The following PI4K2A variants were observed in gnomAD, a reference collection of about 807,000 sequenced individuals.
PI4K2A encodes phosphatidylinositol 4-kinase type 2-alpha.
Under a neutral mutation model 55.0 loss-of-function variants are expected in PI4K2A, and 20 were observed. The ratio of observed to expected loss-of-function variants is 0.36; its 90% CI spans 0.26 to 0.53. PI4K2A has a LOEUF of 0.53. PI4K2A is among the 20% of genes least tolerant of loss of function. The pLI is 0.91. For missense variants in PI4K2A, 463 were observed against 637.1 expected, an observed-to-expected ratio of 0.73 and a Z score of 2.94; for synonymous variants, 235 against 258.5, an observed-to-expected ratio of 0.91 and a Z score of 0.87.
chr10:97,673,648 T>C (rs1444927586), exon 9 of PI4K2A: 1 of 1,613,806 alleles, frequency 6.2e-7, no homozygotes, highest in Non-Finnish European at 8.5e-7. Flanking sequence ...ATGCCACCTG[T>C]GATTGTCGAG....
In PI4K2A at chr10:97,667,049, C is replaced by T. The variant is rs566581799; in HGVS notation, c.1219-12C>T. The T allele has an allele frequency of 3.7e-6, 6 of 1,611,208 alleles. No homozygotes were observed. In the Admixed American group the frequency reaches 1.0e-4, roughly 27 times the overall value. ...CACACAGGTTCCATCTCCTTCTGGT[C>T]TTCTTTTGCAGAAAGATCCTGGTTT... On this transcript the variant is annotated splice_polypyrimidine_tract_variant and intron_variant, in intron 7 of 8. Transcript: ENST00000370631.
intron 5 of PI4K2A, 24 bp from the exon 6 acceptor site, chr10:97,664,861 C>A: frequency 5.8e-6 from 9 of 1,545,200 alleles, no homozygotes; most frequent in South Asian, 2.2e-5. Context: ...TTTCCTCAGT[C>A]ATTAGTCTTT....
intron 1 of PI4K2A, among the ~76,000 whole-genome samples, chr10:97,648,112 T>TTTTTTTTTTTTG: frequency 7.7e-6 from 1 of 129,174 alleles, no homozygotes; most frequent in Non-Finnish European, 1.6e-5. Flanking sequence ...TTTTTTTTTT[T>TTTTTTTTTTTTG]GAGATGCTAT....
intron 7 of PI4K2A, 87 bp from the exon 8 acceptor site, chr10:97,666,974 T>G (rs1478212979): frequency 9.7e-7 from 1 of 1,028,034 alleles, no homozygotes; most frequent in African/African-American, 1.6e-5. Context: ...CAGGTTTTCC[T>G]TCTTAGAAAG....
intron 8 of PI4K2A, among the ~76,000 whole-genome samples, chr10:97,673,182 G>A (rs909913360): frequency 6.6e-6 from 1 of 151,638 alleles, no homozygotes; most frequent in Non-Finnish European, 1.5e-5. Flanking sequence ...GTAGAGATGG[G>A]GTTTCGCCAT....
chr10:97,642,922 T>C (rs951727778), intron 1 of PI4K2A, among the ~76,000 whole-genome samples: 1 of 136,130 alleles, frequency 7.3e-6, no homozygotes, highest in Non-Finnish European at 1.5e-5. Context: ...CCTTCCTTCC[T>C]TCCTTTCTTT....
intron 1 of PI4K2A, 67 bp downstream of exon 1, chr10:97,641,244 C>T (rs1205801499): frequency 5.1e-6 from 6 of 1,176,352 alleles, no homozygotes; most frequent in Middle Eastern, 2.0e-4. Flanking sequence ...GAGTTGGGGG[C>T]TTCGCACAGC....
At chr10:97,666,401 C>T (rs2041609406) in intron 6 of PI4K2A, 37 bp from the exon 7 acceptor site, 3 of 1,600,248 alleles carry the variant, frequency 1.9e-6, no homozygotes, top group South Asian at 2.3e-5. Flanking sequence ...GGGACTTTTC[C>T]AACACCAGCT....
At chr10:97,668,668 C>A (rs74976942) in intron 8 of PI4K2A, among the ~76,000 whole-genome samples, 2,187 of 152,224 alleles carry the variant, frequency 0.014, 38 homozygotes, top group African/African-American at 0.048. Context: ...CTAAAATACT[C>A]AATTTGTAGT....
chr10:97,648,438 ACTC>A (rs2041515633), intron 1 of PI4K2A, among the ~76,000 whole-genome samples: 1 of 151,600 alleles, frequency 6.6e-6, no homozygotes, highest in African/African-American at 2.4e-5. Context: ...CTGGTCTCAA[ACTC>A]CAGGCCTCAG....
At chr10:97,643,030 C>T (rs1334187187) in intron 1 of PI4K2A, among the ~76,000 whole-genome samples, 4 of 150,920 alleles carry the variant, frequency 2.7e-5, no homozygotes, top group South Asian at 4.2e-4. Context: ...ACTCTGACAC[C>T]CAGGCTGGAG....
chr10:97,670,457 T>G (rs1056766858), intron 8 of PI4K2A, among the ~76,000 whole-genome samples: 3 of 152,184 alleles, frequency 2.0e-5, no homozygotes, highest in African/African-American at 7.2e-5. Context: ...CAGTGATGTA[T>G]CTGAATAATA....
intron 1 of PI4K2A, among the ~76,000 whole-genome samples, chr10:97,645,980 T>A (rs1357685678): frequency 6.6e-6 from 1 of 152,150 alleles, no homozygotes; most frequent in Non-Finnish European, 1.5e-5. Flanking sequence ...ATACAGCAGT[T>A]CTTAGAGTGT....
chr10:97,667,096 G>A, exon 8 of PI4K2A: 1 of 1,613,720 alleles, frequency 6.2e-7, no homozygotes, highest in Non-Finnish European at 8.5e-7. Flanking sequence ...AGTTCCATAA[G>A]CAGATTGCTG....
At chr10:97,642,865 T>TTTTC (rs1554878119) in intron 1 of PI4K2A, among the ~76,000 whole-genome samples, 4 of 53,696 alleles carry the variant, frequency 7.4e-5, no homozygotes, top group African/African-American at 2.5e-4. Flanking sequence ...CTTTCTTTCT[T>TTTTC]TTTCTTTCTT....
chr10:97,664,002 A>C (rs114104344), intron 5 of PI4K2A, among the ~76,000 whole-genome samples: 5,237 of 152,088 alleles, frequency 0.034, 314 homozygotes, highest in African/African-American at 0.12. Context: ...TTTTGTAGAG[A>C]TGAGGTCTTG....
chr10:97,654,021 C>A (rs2041541341), intron 2 of PI4K2A, among the ~76,000 whole-genome samples: 1 of 152,204 alleles, frequency 6.6e-6, no homozygotes, highest in Non-Finnish European at 1.5e-5. Context: ...CTCCCTGTCT[C>A]CCCAACTCTT....
intron 8 of PI4K2A, among the ~76,000 whole-genome samples, 178 bp from the exon 9 acceptor site, chr10:97,673,403 G>A (rs1315266657): frequency 6.6e-6 from 1 of 152,198 alleles, no homozygotes; most frequent in East Asian, 1.9e-4. Context: ...TAAATGATTA[G>A]AGAGGTTTCC....
chr10:97,665,358 TC>T (rs986394813), intron 6 of PI4K2A, among the ~76,000 whole-genome samples: 14 of 152,200 alleles, frequency 9.2e-5, no homozygotes, highest in Admixed American at 3.3e-4. Flanking sequence ...CACTGCAACC[TC>T]CACCTCCTGG....
Sources: gnomAD v4.1 joint callset for allele counts (sites outside exome capture counted in the v4.1 genomes callset) on GRCh38, gnomAD v4.1.1 for gene constraint, MANE v1.5 for transcripts, NCBI Gene and HGNC (gene_info 2026-07-23, HGNC 2026-07-21) for gene names.